SHB: variants seen among roughly 807,000 people sequenced by gnomAD.
The protein encoded by SHB is SH2 domain-containing adapter protein B.
A neutral mutation model predicts 52.3 loss-of-function variants in SHB; 20 were observed. That is an observed-to-expected ratio of 0.38 (90% confidence interval 0.27 to 0.56). The LOEUF is 0.56. SHB is among the 20% of genes least tolerant of loss of function. The probability of loss-of-function intolerance (pLI) is 0.71; values close to 1 mark genes in which losing one functional copy is unlikely to be tolerated. For missense variants in SHB, 825 were observed against 723.3 expected (o/e 1.14, Z -1.61); for synonymous variants, 397 against 316.5 (o/e 1.25, Z -2.70).
intron 3 of SHB, among the ~76,000 whole-genome samples, chr9:37,964,248 A>G (rs1490337888): frequency 6.6e-6 from 1 of 152,232 alleles, no homozygotes; most frequent in African/African-American, 2.4e-5. Flanking sequence ...GGAGGCGGCC[A>G]GCGACTCACC....
At chr9:37,976,164 T>C (rs1260206261) in intron 2 of SHB, among the ~76,000 whole-genome samples, 4 of 152,140 alleles carry the variant, frequency 2.6e-5, no homozygotes, top group African/African-American at 9.7e-5. Flanking sequence ...GCCTCCCAAA[T>C]AGCTAGGAGC....
intron 1 of SHB, among the ~76,000 whole-genome samples, chr9:38,052,859 C>T (rs1034315577): frequency 6.6e-6 from 1 of 152,228 alleles, no homozygotes; most frequent in African/African-American, 2.4e-5. Context: ...CCCGGGATGT[C>T]CTCCTCACAT....
chr9:37,950,263 CTTT>C (rs111494758), intron 4 of SHB, among the ~76,000 whole-genome samples: 1 of 144,700 alleles, frequency 6.9e-6, no homozygotes, highest in African/African-American at 2.5e-5. Flanking sequence ...TGTGTGTTTC[CTTT>C]TTTTTTTTTG....
intron 2 of SHB, among the ~76,000 whole-genome samples, chr9:37,988,090 C>A (rs1014420788): frequency 1.3e-5 from 2 of 152,212 alleles, no homozygotes; most frequent in African/African-American, 2.4e-5. Context: ...CAGTGCCCAG[C>A]ACAGCTGCCC....
At chr9:37,974,205 G>A (rs1820625325) in intron 3 of SHB, among the ~76,000 whole-genome samples, 1 of 152,242 alleles carries the variant, frequency 6.6e-6, no homozygotes, top group South Asian at 2.1e-4. Context: ...GCGGTGAGCC[G>A]AGATCGCATC....
At chr9:37,993,539 C>T (rs1245715761) in intron 2 of SHB, among the ~76,000 whole-genome samples, 1 of 151,956 alleles carries the variant, frequency 6.6e-6, no homozygotes, top group Non-Finnish European at 1.5e-5. Context: ...GCACAAGTAC[C>T]TTAGAACTTA....
At chr9:37,973,768 T>C (rs962779732) in intron 3 of SHB, among the ~76,000 whole-genome samples, 1 of 152,188 alleles carries the variant, frequency 6.6e-6, no homozygotes, top group Admixed American at 6.5e-5. Context: ...TGGGAGGGGC[T>C]GAGCTCTGTC....
rs3827519 is a variant in SHB, at chr9:37,948,727, T to C, written c.1254A>G (p.Gly418=). ...QIWYHGAISR[G]DAENLLRLCK... ...AGAGTCGCAGCAGGTTCTCGGCGTC[T>C]CCTCTGCTGATGGCTCCGTGATACC... Residue 418 remains glycine (G), a synonymous_variant, in exon 5 of 6, where the codon GGA becomes GGG. Coordinates refer to ENST00000377707, the MANE Select transcript of SHB (RefSeq NM_003028.3). 187,521 of 1,613,468 alleles carry C rather than the reference T, an allele frequency of 0.12. 11,306 individuals carry two copies. Among genetic ancestry groups the C allele is most frequent in the African/African-American group, 0.16 (12,172 of 74,920 alleles).
At position 37,974,986 on chromosome 9, in the gene SHB, C is replaced by CACCAA. The variant is rs35039414; in HGVS notation, c.839-154_839-150dup. Reference sequence around the variant, plus strand: ...ACCCCTGTCTGGGTTTTACCCACCCCACCAACCCCCAGTGCCGCGTCTCTG... The same window carrying CACCAA: ...ACCCCTGTCTGGGTTTTACCCACCCCACCAAACCAACCCCCAGTGCCGCGTCTCTG... On this transcript the variant is annotated intron_variant, in intron 2 of 5. Coordinates refer to ENST00000377707, the MANE Select transcript of SHB (RefSeq NM_003028.3). The CACCAA allele has an allele frequency of 3.2e-4, 222 of 701,718 alleles. 4 individuals are homozygous for CACCAA. The South Asian group carries it at 3.4e-3, about 11-fold the overall frequency. The allele number at this position is 701,718 out of a possible 1,614,324, so 43.5% of individuals were successfully genotyped here.
intron 2 of SHB, among the ~76,000 whole-genome samples, chr9:38,009,478 G>A (rs1821110936): frequency 6.6e-6 from 1 of 152,272 alleles, no homozygotes; most frequent in Admixed American, 6.5e-5. Flanking sequence ...TTTTAGAGAT[G>A]AGGGAACTGA....
At chr9:38,061,079 C>T (rs1290216656) in intron 1 of SHB, among the ~76,000 whole-genome samples, 1 of 152,176 alleles carries the variant, frequency 6.6e-6, no homozygotes, top group Admixed American at 6.5e-5. Context: ...CACCTGTAAT[C>T]CCAGCACTTT....
At chr9:38,048,009 C>T (rs1821680602) in intron 1 of SHB, among the ~76,000 whole-genome samples, 1 of 152,220 alleles carries the variant, frequency 6.6e-6, no homozygotes, top group South Asian at 2.1e-4. Flanking sequence ...CATTCCAACA[C>T]AATGAGACAC....
intron 5 of SHB, chr9:37,936,719 G>C (rs1832376046): frequency 6.6e-6 from 1 of 152,120 alleles, no homozygotes; most frequent in Non-Finnish European, 1.5e-5. Context: ...GGGGTTTCTA[G>C]TAAAAACTGG....
At chr9:37,943,080 G>C (rs1316325860) in intron 5 of SHB, among the ~76,000 whole-genome samples, 3 of 152,138 alleles carry the variant, frequency 2.0e-5, no homozygotes, top group Admixed American at 6.5e-5. Flanking sequence ...CCTCCACCTG[G>C]TGATCAGGGC....
intron 3 of SHB, among the ~76,000 whole-genome samples, chr9:37,970,354 C>A (rs1457381438): frequency 6.6e-6 from 1 of 152,188 alleles, no homozygotes; most frequent in East Asian, 1.9e-4. Flanking sequence ...GTTGGGGCCA[C>A]CTCACACACT....
intron 2 of SHB, among the ~76,000 whole-genome samples, chr9:38,003,806 C>T (rs4323560): frequency 0.44 from 66,400 of 152,092 alleles, 15,002 homozygotes; most frequent in Middle Eastern, 0.51. Context: ...AACAGTTCTC[C>T]GTAAGGTAAA....
chr9:37,922,179 G>A (rs369488604), intron 5 of SHB, among the ~76,000 whole-genome samples: 2 of 152,224 alleles, frequency 1.3e-5, no homozygotes, highest in Non-Finnish European at 2.9e-5. Flanking sequence ...AGCCGCTGGC[G>A]GGAACTGAGT....
intron 1 of SHB, among the ~76,000 whole-genome samples, chr9:38,043,517 G>A (rs1195479041): frequency 1.3e-5 from 2 of 152,208 alleles, no homozygotes; most frequent in African/African-American, 4.8e-5. Flanking sequence ...GAAACGCAAG[G>A]TGTCTGAGTC....
Position 38,068,339 on chromosome 9 carries a change from G to A in SHB, c.307C>T (p.Leu103=). 1.3e-6 allele frequency: 2 copies of A among 1,549,700 alleles called. No individual in the cohort carries two copies. Among genetic ancestry groups the A allele is most frequent in the Non-Finnish European group, 8.7e-7 (1 of 1,153,146 alleles). The part of the protein sequence containing the change: ...EDPYNGPGSS[L]RKLRAMCRLD... ...CGGCACATGGCGCGCAGTTTGCGCA[G>A]CGACGAGCCAGGCCCGTTGTAGGGG... Residue 103 remains leucine (L), a synonymous_variant, in exon 1 of 6, where the codon CTG becomes TTG. Coordinates refer to ENST00000377707, the MANE Select transcript of SHB (RefSeq NM_003028.3).
Sources: gnomAD v4.1 joint callset for allele counts (sites outside exome capture counted in the v4.1 genomes callset) on GRCh38, gnomAD v4.1.1 for gene constraint, MANE v1.5 for transcripts, NCBI Gene and HGNC (gene_info 2026-07-23, HGNC 2026-07-21) for gene names.